Variants in CDH12 observed in about 807,000 individuals in gnomAD.
CDH12 encodes the protein cadherin-12.
A neutral mutation model predicts 74.1 loss-of-function variants in CDH12; 41 were observed. The ratio of observed to expected loss-of-function variants is 0.55; its 90% CI spans 0.43 to 0.72. CDH12 has a LOEUF of 0.72. Ranked by LOEUF, CDH12 falls within the 30% of genes least tolerant of loss-of-function variation. The pLI is 0.00. For missense variants in CDH12, 945 were observed against 977.2 expected, an observed-to-expected ratio of 0.97 and a Z score of 0.44; for synonymous variants, 399 against 355.0, an observed-to-expected ratio of 1.12 and a Z score of -1.39.
chr5:22,767,241 C>A (rs761003436), intron 1 of CDH12, among the ~76,000 whole-genome samples: 31 of 151,744 alleles, frequency 2.0e-4, no homozygotes, highest in Non-Finnish European at 4.3e-4. Context: ...AAAATGAAAA[C>A]CCAGTTTTCT....
intron 6 of CDH12, among the ~76,000 whole-genome samples, chr5:21,895,294 T>A (rs1753072665): frequency 6.6e-6 from 1 of 152,204 alleles, no homozygotes; most frequent in South Asian, 2.1e-4. Flanking sequence ...GGTTAACATA[T>A]GTGGTCTAAA....
chr5:21,814,402 T>C (rs1319813308), intron 9 of CDH12, among the ~76,000 whole-genome samples: 1 of 152,012 alleles, frequency 6.6e-6, no homozygotes, highest in African/African-American at 2.4e-5. Context: ...TTCATGATAG[T>C]TGAACTTACA....
At chr5:22,038,357 G>A (rs1484623103) in intron 5 of CDH12, among the ~76,000 whole-genome samples, 1 of 152,076 alleles carries the variant, frequency 6.6e-6, no homozygotes, top group African/African-American at 2.4e-5. Context: ...TCTCTCCCTA[G>A]GGGGCTGAGC....
At chr5:22,121,897 AGATT>A (rs1195851026) in intron 4 of CDH12, among the ~76,000 whole-genome samples, 2 of 152,078 alleles carry the variant, frequency 1.3e-5, no homozygotes, top group East Asian at 3.9e-4. Context: ...AAAACATCAT[AGATT>A]AATTGTGCCA....
At chr5:22,137,380 A>G (rs1474607520) in intron 4 of CDH12, among the ~76,000 whole-genome samples, 2 of 151,866 alleles carry the variant, frequency 1.3e-5, no homozygotes, top group Non-Finnish European at 2.9e-5. Context: ...AGATTTTTTG[A>G]GTCTTTTGGG....
In CDH12 at chr5:21,802,263, GGCTT is replaced by G. The variant is rs1561197004; in HGVS notation, c.1156_1159del (p.Lys386ArgfsTer13). ...TTCATAAACCTCCATGGTGTAGAGC[GGCTT>G]GCTGAAAACCGGTGGCTCATCTACG... On this transcript the variant is annotated frameshift_variant, in exon 10 of 15. Coordinates refer to ENST00000382254, the MANE Select transcript of CDH12 (RefSeq NM_004061.5). LOFTEE classifies it high-confidence loss of function. 6.2e-7 allele frequency: 1 copy of G among 1,606,286 alleles called. No individual in the cohort carries two copies. Among genetic ancestry groups the G allele is most frequent in the South Asian group, 1.1e-5 (1 of 90,126 alleles).
At chr5:22,017,374 G>A (rs1352146606) in intron 5 of CDH12, among the ~76,000 whole-genome samples, 3 of 152,084 alleles carry the variant, frequency 2.0e-5, no homozygotes, top group Non-Finnish European at 4.4e-5. Context: ...AAAGGGAACT[G>A]TAACCTGGGC....
At chr5:22,433,819 G>A (rs1294650843) in intron 2 of CDH12, among the ~76,000 whole-genome samples, 1 of 152,148 alleles carries the variant, frequency 6.6e-6, no homozygotes, top group Non-Finnish European at 1.5e-5. Context: ...TTTATCTTTG[G>A]AAGTAACATT....
chr5:22,269,334 A>G (rs1736279580), intron 3 of CDH12, among the ~76,000 whole-genome samples: 1 of 152,116 alleles, frequency 6.6e-6, no homozygotes, highest in Admixed American at 6.6e-5. Context: ...ATCAGTAGCT[A>G]TATCTCCCCC....
At chr5:22,222,268 C>G (rs969652790) in intron 3 of CDH12, among the ~76,000 whole-genome samples, 1 of 151,926 alleles carries the variant, frequency 6.6e-6, no homozygotes, top group African/African-American at 2.4e-5. Flanking sequence ...ATATGAAAAG[C>G]TATCACAATT....
At chr5:22,656,595 A>T (rs968408105) in intron 1 of CDH12, among the ~76,000 whole-genome samples, 2 of 152,182 alleles carry the variant, frequency 1.3e-5, no homozygotes, top group Admixed American at 6.5e-5. Context: ...AAATTGATTT[A>T]AAAAAATTTC....
At chr5:22,077,880 T>A (rs1471579731) in intron 5 of CDH12, among the ~76,000 whole-genome samples, 1 of 152,142 alleles carries the variant, frequency 6.6e-6, no homozygotes, top group Non-Finnish European at 1.5e-5. Context: ...CTTATAAATA[T>A]CTGCTGAAAA....
chr5:22,123,853 A>G (rs1745667649), intron 4 of CDH12, among the ~76,000 whole-genome samples: 1 of 152,204 alleles, frequency 6.6e-6, no homozygotes, highest in South Asian at 2.1e-4. Flanking sequence ...TTAGAATCTG[A>G]GCCAAGCTTT....
chr5:22,852,457 T>C (rs1321237446), intron 1 of CDH12, among the ~76,000 whole-genome samples: 1 of 152,218 alleles, frequency 6.6e-6, no homozygotes, highest in Admixed American at 6.5e-5. Flanking sequence ...GCATATTATA[T>C]AACCCACAGC....
chr5:22,320,433 T>C (rs1738823835), intron 3 of CDH12, among the ~76,000 whole-genome samples: 1 of 152,164 alleles, frequency 6.6e-6, no homozygotes, highest in African/African-American at 2.4e-5. Context: ...AAAATTTGAA[T>C]GGCTTTTCTC....
At chr5:21,855,030 A>G (rs982376860) in intron 6 of CDH12, among the ~76,000 whole-genome samples, 2 of 151,750 alleles carry the variant, frequency 1.3e-5, no homozygotes, top group African/African-American at 4.8e-5. Flanking sequence ...CAGGAGCTGG[A>G]TCATCGAAAT....
chr5:22,123,489 GT>G (rs1745644249), intron 4 of CDH12, among the ~76,000 whole-genome samples: 1 of 152,110 alleles, frequency 6.6e-6, no homozygotes. Flanking sequence ...CAAATCCAAA[GT>G]TTAGTATTAG....
chr5:21,883,485 G>T lies in CDH12; in HGVS notation c.527-28695C>A, dbSNP rs182760337. 9,973 of 1,612,038 alleles carry T rather than the reference G, an allele frequency of 6.2e-3. 174 individuals carry two copies. Among genetic ancestry groups the T allele is most frequent in the African/African-American group, 0.061 (4,576 of 74,778 alleles). The stretch of plus-strand genomic sequence containing the variant: ...GCTAAAGGTTGGTCTTCAGGTTGTG[G>T]CAGTCAAGGCTCCAGGGTTTGGTGA... On this transcript the variant is annotated intron_variant, in intron 6 of 14. Transcript: ENST00000382254.
chr5:22,321,656 A>T (rs2150437548), intron 3 of CDH12, among the ~76,000 whole-genome samples: 1 of 152,258 alleles, frequency 6.6e-6, no homozygotes, highest in Non-Finnish European at 1.5e-5. Flanking sequence ...AAAAAAATAA[A>T]TTAAAAAAAA....
Sources: allele counts gnomAD v4.1 joint callset (sites outside exome capture counted in the v4.1 genomes callset), GRCh38; gene constraint gnomAD v4.1.1; transcripts MANE v1.5; gene names NCBI Gene and HGNC (gene_info 2026-07-23, HGNC 2026-07-21).